CEP83: variants seen among roughly 807,000 people sequenced by gnomAD.
The protein encoded by CEP83 is centrosomal protein of 83 kDa.
Under a neutral mutation model 101.9 loss-of-function variants are expected in CEP83, and 70 were observed. That is an observed-to-expected ratio of 0.69 (90% CI 0.57 to 0.84). CEP83 has a LOEUF of 0.84. CEP83 is among the 40% of genes least tolerant of loss of function. CEP83 has a pLI of 0.00. For synonymous variants in CEP83, 264 were observed against 267.9 expected (o/e 0.99, Z 0.14); for missense variants, 715 against 787.2 (o/e 0.91, Z 1.10).
At chr12:94,436,389 AAAAG>A (rs1208532407) in intron 1 of CEP83, among the ~76,000 whole-genome samples, 1 of 152,190 alleles carries the variant, frequency 6.6e-6, no homozygotes, top group African/African-American at 2.4e-5. Flanking sequence ...CATCATAAAA[AAAAG>A]ACAACCACAA....
chr12:94,307,098 T>TAAGTA (rs1019076518), downstream of CEP83: 5 of 152,232 alleles, frequency 3.3e-5, no homozygotes, highest in African/African-American at 1.2e-4. Context: ...CAGCTTTATC[T>TAAGTA]AAGTATTTAC....
chr12:94,374,312 C>T (rs1442135345), intron 8 of CEP83, among the ~76,000 whole-genome samples: 1 of 152,138 alleles, frequency 6.6e-6, no homozygotes, highest in Admixed American at 6.5e-5. Context: ...CCAGCACATC[C>T]CATGTCCTAT....
chr12:94,423,938 A>G (rs2064985342), intron 2 of CEP83: 2 of 1,611,896 alleles, frequency 1.2e-6, no homozygotes, highest in African/African-American at 2.7e-5. Context: ...GAGATGGCCC[A>G]GTTGCTGGGT....
At chr12:94,330,999 G>C (rs2059173849) in intron 14 of CEP83, among the ~76,000 whole-genome samples, 2 of 152,026 alleles carry the variant, frequency 1.3e-5, no homozygotes, top group African/African-American at 2.4e-5. Flanking sequence ...TCTCCTATAA[G>C]AGTTTATTAG....
the CEP83 span, among the ~76,000 whole-genome samples, chr12:94,275,992 A>G: frequency 0.18 from 27,306 of 151,868 alleles, 2,640 homozygotes; most frequent in Admixed American, 0.24. Flanking sequence ...ATGCCATTTT[A>G]CCTCTTTTCC....
At chr12:94,425,252 A>C (rs1260290939) in intron 2 of CEP83, among the ~76,000 whole-genome samples, 1 of 152,176 alleles carries the variant, frequency 6.6e-6, no homozygotes, top group Admixed American at 6.5e-5. Context: ...CAAGACTGCA[A>C]TCTCAGGAGG....
intron 8 of CEP83, among the ~76,000 whole-genome samples, chr12:94,371,819 T>A (rs978848321): frequency 5.3e-5 from 8 of 152,148 alleles, no homozygotes; most frequent in Non-Finnish European, 4.4e-5. Flanking sequence ...AAGGAATAGT[T>A]TCATGCAAAA....
At chr12:94,391,203 A>C (rs959573383) in intron 6 of CEP83, among the ~76,000 whole-genome samples, 1 of 152,294 alleles carries the variant, frequency 6.6e-6, no homozygotes, top group East Asian at 1.9e-4. Flanking sequence ...AAATGAAGGA[A>C]AAAGTGTTAA....
At chr12:94,424,008 G>C in intron 2 of CEP83, 1 of 1,613,278 alleles carries the variant, frequency 6.2e-7, no homozygotes, top group Admixed American at 1.7e-5. Flanking sequence ...CCTGGTGTCA[G>C]AACTGAACCT....
At chr12:94,426,664 T>C (rs1180181413) in intron 2 of CEP83, among the ~76,000 whole-genome samples, 2 of 152,106 alleles carry the variant, frequency 1.3e-5, no homozygotes, top group Non-Finnish European at 2.9e-5. Flanking sequence ...AATATTACCT[T>C]ATATACTTTT....
intron 4 of CEP83, among the ~76,000 whole-genome samples, chr12:94,411,489 T>C (rs1011456085): frequency 3.9e-5 from 6 of 152,136 alleles, no homozygotes; most frequent in African/African-American, 2.4e-5. Flanking sequence ...TAATACCAAT[T>C]TACATAAAAT....
At chr12:94,445,164 A>G (rs1442886530) in intron 1 of CEP83, among the ~76,000 whole-genome samples, 1 of 152,210 alleles carries the variant, frequency 6.6e-6, no homozygotes, top group Non-Finnish European at 1.5e-5. Flanking sequence ...CTGTCCAGAA[A>G]TAGAGTCAAA....
intron 6 of CEP83, among the ~76,000 whole-genome samples, chr12:94,388,350 A>G (rs1172487540): frequency 2.0e-5 from 3 of 152,220 alleles, no homozygotes; most frequent in Admixed American, 1.3e-4. Flanking sequence ...TACCAATACC[A>G]CATGTTCTCA....
chr12:94,399,662 T>C (rs1276265521), intron 6 of CEP83, among the ~76,000 whole-genome samples: 2 of 152,162 alleles, frequency 1.3e-5, no homozygotes, highest in East Asian at 3.8e-4. Context: ...GAGCTGAAGT[T>C]ATAGTGAGTT....
At chr12:94,413,338 T>C (rs1452258509) in intron 2 of CEP83, among the ~76,000 whole-genome samples, 4 of 152,222 alleles carry the variant, frequency 2.6e-5, no homozygotes, top group African/African-American at 9.6e-5. Context: ...AAGCAGACTT[T>C]CCCAGTTTAG....
chr12:94,395,650 C>G lies in CEP83; in HGVS notation c.549+5200G>C, dbSNP rs573316596. On this transcript the variant is annotated intron_variant, in intron 6 of 16. Coordinates refer to ENST00000397809, the MANE Select transcript of CEP83 (RefSeq NM_016122.3). ...CATCCTGCCTAACACAGTGAAACCC[C>G]GTCTCTACTAAAAACACAAAAAAAT... Among the ~76,000 whole-genome samples, 4 of 152,138 alleles carry G rather than the reference C, an allele frequency of 2.6e-5. No homozygotes were observed. The East Asian group carries it at 7.7e-4, about 29-fold the overall frequency.
chr12:94,368,217 G>A lies in CEP83; in HGVS notation c.1049-16C>T. On this transcript the variant is annotated splice_polypyrimidine_tract_variant and intron_variant, in intron 9 of 16. Transcript: ENST00000397809. ...GACTGTAATCCTAGTGTTTTTCAAG[G>A]AGAAAAGTGTACTATATTCAATGTT... 1.3e-6 allele frequency: 2 copies of A among 1,598,890 alleles called. No homozygotes were observed. Among genetic ancestry groups the A allele is most frequent in the Non-Finnish European group, 1.7e-6 (2 of 1,171,848 alleles).
At chr12:94,329,783 T>C (rs1309888536) in intron 14 of CEP83, among the ~76,000 whole-genome samples, 3 of 152,176 alleles carry the variant, frequency 2.0e-5, no homozygotes, top group African/African-American at 7.2e-5. Flanking sequence ...TTTCAGTACC[T>C]ACATCGACAG....
chr12:94,357,128 C>G (rs1247876777), intron 11 of CEP83, among the ~76,000 whole-genome samples: 1 of 152,134 alleles, frequency 6.6e-6, no homozygotes, highest in Non-Finnish European at 1.5e-5. Context: ...TATAGTGTTG[C>G]AGTTATTAGC....
Sources: gnomAD v4.1 joint callset for allele counts (sites outside exome capture counted in the v4.1 genomes callset) on GRCh38, gnomAD v4.1.1 for gene constraint, MANE v1.5 for transcripts, NCBI Gene and HGNC (gene_info 2026-07-23, HGNC 2026-07-21) for gene names.